Variants in DYNC2I1 observed in about 807,000 individuals in gnomAD.
DYNC2I1 encodes the protein cytoplasmic dynein 2 intermediate chain 1.
In DYNC2I1, 89 loss-of-function variants were observed where a neutral mutation model predicts 133.4. The ratio of observed to expected loss-of-function variants is 0.67; its 90% CI spans 0.56 to 0.80. The LOEUF is 0.80. DYNC2I1 is among the 30% of genes least tolerant of loss of function. The pLI, the probability that DYNC2I1 is intolerant of heterozygous loss-of-function variation, is 0.00. For missense variants in DYNC2I1, 1,291 were observed against 1,314.5 expected, an observed-to-expected ratio of 0.98 and a Z score of 0.28; for synonymous variants, 504 against 484.3, an observed-to-expected ratio of 1.04 and a Z score of -0.54.
At position 158,945,817 on chromosome 7, in the gene DYNC2I1, C is replaced by T. The variant is rs1242241986; in HGVS notation, c.*38C>T. 6.8e-7 allele frequency: 1 copy of T among 1,475,116 alleles called. No individual in the cohort carries two copies. Among genetic ancestry groups the T allele is most frequent in the African/African-American group, 1.4e-5 (1 of 70,710 alleles). 91.4% of individuals were successfully genotyped at this position (1,475,116 alleles called of 1,614,324 possible). The stretch of plus-strand genomic sequence containing the variant: ...AGAGGACCGCGTTTCTGTAATGACC[C>T]AGATTTAAAAGACATAAGGTGGATA... On this transcript the variant is annotated 3_prime_UTR_variant, in exon 25 of 25. Transcript: ENST00000407559. This position sits in a 1 kb window ranked among gnomAD's most constrained non-coding sequence, Gnocchi z 4.1.
At chr7:158,864,320 A>G (rs1329713114) in intron 1 of DYNC2I1, among the ~76,000 whole-genome samples, 1 of 152,190 alleles carries the variant, frequency 6.6e-6, no homozygotes, top group South Asian at 2.1e-4. Context: ...ATGTAGATGA[A>G]TGTCACAGGG....
At chr7:158,949,451 C>T (rs978060780), downstream of DYNC2I1, among the ~76,000 whole-genome samples, 2 of 152,240 alleles carry the variant, frequency 1.3e-5, no homozygotes, top group Non-Finnish European at 2.9e-5. Context: ...AAGGGTGCAC[C>T]CGGCCCTGTC....
intron 1 of DYNC2I1, among the ~76,000 whole-genome samples, chr7:158,857,095 G>T (rs2788471): frequency 0.43 from 65,081 of 152,004 alleles, 14,887 homozygotes; most frequent in East Asian, 0.7. Context: ...ATATTTAAAA[G>T]TTTATTAAAT....
chr7:158,920,296 A>G (rs534998087), intron 15 of DYNC2I1, among the ~76,000 whole-genome samples: 7 of 148,346 alleles, frequency 4.7e-5, no homozygotes, highest in Admixed American at 1.3e-4. Context: ...ATCGGGGAAC[A>G]CGTGAAGTGT....
intron 1 of DYNC2I1, among the ~76,000 whole-genome samples, chr7:158,857,359 A>G (rs546232405): frequency 6.6e-6 from 1 of 152,282 alleles, no homozygotes; most frequent in Admixed American, 6.5e-5. Flanking sequence ...TTAACACTCA[A>G]TAAATGTTAG....
Position 158,945,761 on chromosome 7 carries a change from G to C in DYNC2I1, c.3183G>C (p.Glu1061Asp). The change falls in exon 25 of 25, where the codon GAG (glutamate) becomes GAC (aspartate). Residue 1061 changes from glutamate to aspartate, a missense_variant. Transcript: ENST00000407559. The surrounding 1 kb of genome is among the most constrained non-coding windows in gnomAD (Gnocchi z 4.1). Reference sequence around the variant, plus strand: ...TTTTGCAGGAAGCCCTGTGGCCAGAGGGAAAACTGCACAAGTAGCGGGTGT... The same window carrying C: ...TTTTGCAGGAAGCCCTGTGGCCAGACGGAAAACTGCACAAGTAGCGGGTGT... The part of the protein sequence containing the change: ...RLLLQEALWP[E>D]GKLHK 6.3e-7 allele frequency: 1 copy of C among 1,575,462 alleles called. No individual in the cohort carries two copies. The highest frequency in any genetic ancestry group is 8.6e-7 in the Non-Finnish European group (1 of 1,159,706).
chr7:158,841,787 T>C, the DYNC2I1 span, among the ~76,000 whole-genome samples: 1 of 152,178 alleles, frequency 6.6e-6, no homozygotes, highest in Admixed American at 6.5e-5. Flanking sequence ...TGGGAAACTC[T>C]AGGTTGCTCT....
intron 7 of DYNC2I1, among the ~76,000 whole-genome samples, chr7:158,887,615 C>T (rs1314962479): frequency 6.6e-6 from 1 of 152,166 alleles, no homozygotes; most frequent in Non-Finnish European, 1.5e-5. Flanking sequence ...TAGAGACTAT[C>T]AGTTACTAAA....
chr7:158,843,215 C>T, the DYNC2I1 span, among the ~76,000 whole-genome samples: 1 of 152,288 alleles, frequency 6.6e-6, no homozygotes, highest in South Asian at 2.1e-4. Flanking sequence ...CCACCTCAAA[C>T]TCCTGGGTAG....
Position 158,902,468 on chromosome 7 carries a change from A to C in DYNC2I1, c.1230A>C (p.Leu410=), listed in dbSNP as rs746658872. Residue 410 remains leucine, a synonymous_variant, in exon 10 of 25, where the codon CTA becomes CTC. Coordinates refer to ENST00000407559, the MANE Select transcript of DYNC2I1 (RefSeq NM_018051.5). ...ESREKLEELP[L]AQKKEIQEIQ... ...GAGAAAAACTGGAAGAACTTCCTCT[A>C]GCTCAAAAAAAGGAAATACAAGAAA... 6.2e-7 allele frequency: 1 copy of C among 1,614,004 alleles called. No homozygotes were observed. The highest frequency in any genetic ancestry group is 1.1e-5 in the South Asian group (1 of 91,084).
intron 11 of DYNC2I1, 138 bp downstream of exon 11, chr7:158,906,229 T>A: frequency 1.4e-6 from 1 of 699,100 alleles, no homozygotes; most frequent in Non-Finnish European, 2.4e-6. Context: ...TGTACTACAC[T>A]TTTGTGTTGA....
rs182688286 is a variant in DYNC2I1, at chr7:158,930,624, A to G, written c.2546+109A>G. ...GTGAGCTTTTGCGATGAAGAAGTCC[A>G]TTTTCTCACATTGTTTTTTTACTGT... On this transcript the variant is annotated intron_variant, in intron 21 of 24. Transcript: ENST00000407559. 3.7e-4 allele frequency: 301 copies of G among 803,214 alleles called. 4 individuals are homozygous for G. In the East Asian group the frequency reaches 5.9e-3, roughly 16 times the overall value. The allele number at this position is 803,214 out of a possible 1,614,324, so 49.8% of individuals were successfully genotyped here.
At chr7:158,922,220 G>A (rs189175320) in intron 15 of DYNC2I1, among the ~76,000 whole-genome samples, 157 bp from the exon 16 acceptor site, 3 of 152,308 alleles carry the variant, frequency 2.0e-5, no homozygotes, top group African/African-American at 4.8e-5. Flanking sequence ...GGCTGTGGCC[G>A]TTCATCAAAA....
chr7:158,950,705 A>G (rs1006430710), downstream of DYNC2I1, among the ~76,000 whole-genome samples: 59 of 148,244 alleles, frequency 4.0e-4, no homozygotes, highest in African/African-American at 1.5e-3. Context: ...ACCAGCCTCT[A>G]TATGATTCCA....
intron 5 of DYNC2I1, among the ~76,000 whole-genome samples, chr7:158,881,005 T>C (rs1167156741): frequency 1.3e-5 from 2 of 152,214 alleles, no homozygotes; most frequent in East Asian, 1.9e-4. Context: ...TCTCCTGATC[T>C]GAACTGACAC....
chr7:158,871,190 A>C lies in DYNC2I1; in HGVS notation c.118A>C (p.Lys40Gln), dbSNP rs760589463. 2 of 1,613,732 alleles carry C rather than the reference A, an allele frequency of 1.2e-6. No individual in the cohort carries two copies. The highest frequency in any genetic ancestry group is 8.5e-7 in the Non-Finnish European group (1 of 1,179,738). ...SKEERKHREKKLRKESEMDLP... is the reference protein window; with the variant it reads ...SKEERKHREKQLRKESEMDLP... ...GGAAGAAAGAAAGCACAGAGAGAAG[A>C]AGCTGCGTAAGGAGTCTGAGATGGA... is the stretch of plus-strand genomic sequence containing the variant. The change falls in exon 3 of 25, where the codon AAG becomes CAG. Residue 40 changes from lysine (K) to glutamine (Q), a missense_variant. Physicochemically the swap from Lys to Gln is moderately conservative, Grantham distance 53. Transcript: ENST00000407559.
At chr7:158,890,816 C>T (rs1040217875) in intron 7 of DYNC2I1, among the ~76,000 whole-genome samples, 7 of 152,062 alleles carry the variant, frequency 4.6e-5, no homozygotes, top group Admixed American at 2.6e-4. Flanking sequence ...TCAGGTGATC[C>T]GCCCGCCTCG....
At chr7:158,841,196 TATATATATATATATATATATATATA>T in the DYNC2I1 span, among the ~76,000 whole-genome samples, 15 of 79,814 alleles carry the variant, frequency 1.9e-4, 1 homozygote, top group African/African-American at 6.9e-4. Context: ...TATATATATA[TATATATATATATATATATATATATA>T]TTTTAGACAG....
chr7:158,920,035 G>T (rs533081975), intron 15 of DYNC2I1, among the ~76,000 whole-genome samples: 1 of 150,638 alleles, frequency 6.6e-6, no homozygotes, highest in African/African-American at 2.4e-5. Flanking sequence ...GTACCACAGC[G>T]TGTGGCCTCC....
Sources: gnomAD v4.1 joint callset for allele counts (sites outside exome capture counted in the v4.1 genomes callset) on GRCh38, gnomAD v4.1.1 for gene constraint, Gnocchi (gnomAD v3.1) non-coding constraint, MANE v1.5 for transcripts, NCBI Gene and HGNC (gene_info 2026-07-23, HGNC 2026-07-21) for gene names.